The following MYL10 variants were observed in gnomAD, a reference collection of about 807,000 sequenced individuals.
The protein encoded by MYL10 is myosin light chain 10, also known as myosin regulatory light chain 10.
MYL10 carries 18 observed loss-of-function variants against 21.9 expected under a neutral mutation model. The observed-to-expected ratio is 0.82, with a 90% CI of 0.57 to 1.22. The LOEUF is 1.22. MYL10 is among the 50% of genes most tolerant of loss of function. MYL10 has a pLI of 0.00. For synonymous variants in MYL10, 88 were observed against 82.8 expected (o/e 1.06, Z -0.34); for missense variants, 225 against 230.4 (o/e 0.98, Z 0.15).
intron 5 of MYL10, among the ~76,000 whole-genome samples, chr7:101,618,334 C>A (rs1007889256): frequency 1.3e-5 from 2 of 152,170 alleles, no homozygotes; most frequent in African/African-American, 4.8e-5. Context: ...GTGACCAGAG[C>A]ATCACGTGGG....
chr7:101,617,866 G>C (rs1796626998), intron 5 of MYL10, among the ~76,000 whole-genome samples: 1 of 151,638 alleles, frequency 6.6e-6, no homozygotes, highest in South Asian at 2.1e-4. Context: ...AGGGCCTTCT[G>C]TGCCTCTTCC....
chr7:101,615,166 G>A (rs1433391151), intron 6 of MYL10, among the ~76,000 whole-genome samples: 1 of 152,144 alleles, frequency 6.6e-6, no homozygotes, highest in Non-Finnish European at 1.5e-5. Flanking sequence ...CAAGTGAGCT[G>A]GTCACTTTCC....
In MYL10 at chr7:101,613,438, T is replaced by C. The variant is rs559973144; in HGVS notation, c.*37A>G. 2.5e-6 allele frequency: 4 copies of C among 1,569,592 alleles called. No individual in the cohort carries two copies. In the African/African-American group the frequency reaches 4.0e-5, roughly 16 times the overall value. ...CTCCCTGTCACACCCCACAACAGTG[T>C]TTGCTGCCCCTGAATGTCGGGGAGA... On this transcript the variant is annotated 3_prime_UTR_variant, in exon 8 of 8. Transcript: ENST00000223167.
chr7:101,626,092 A>G (rs1380805261), intron 1 of MYL10, among the ~76,000 whole-genome samples: 3 of 152,210 alleles, frequency 2.0e-5, no homozygotes, highest in African/African-American at 7.2e-5. Context: ...AATTCCCCTG[A>G]AAGGAACATC....
chr7:101,617,531 C>T lies in MYL10; in HGVS notation c.455-1233G>A, dbSNP rs577335332. Among the ~76,000 whole-genome samples, 20 of 152,376 alleles carry T rather than the reference C, an allele frequency of 1.3e-4. No homozygotes were observed. The South Asian group carries it at 3.3e-3, about 25-fold the overall frequency. The stretch of plus-strand genomic sequence containing the variant: ...TCCTTTTGTCACCCTGTGCTCTTGC[C>T]AGTCAGATTAGGTCAGCCAGGGCCA... On this transcript the variant is annotated intron_variant, in intron 5 of 7. Transcript: ENST00000223167.
intron 6 of MYL10, 24 bp from the exon 7 acceptor site, chr7:101,613,734 A>G (rs759583695): frequency 6.2e-7 from 1 of 1,613,422 alleles, no homozygotes; most frequent in African/African-American, 1.3e-5. Context: ...AGACACAGTC[A>G]TGTTCAGGGA....
intron 1 of MYL10, among the ~76,000 whole-genome samples, chr7:101,626,029 T>C (rs566622339): frequency 6.6e-6 from 1 of 152,246 alleles, no homozygotes; most frequent in East Asian, 1.9e-4. Flanking sequence ...CTAGGGTCTT[T>C]GCAGCCCAGC....
intron 6 of MYL10, among the ~76,000 whole-genome samples, chr7:101,615,697 C>CTTT (rs900024757): frequency 2.2e-4 from 27 of 121,206 alleles, no homozygotes; most frequent in East Asian, 1.1e-3. Flanking sequence ...ACCACTTCTT[C>CTTT]TTTTTTTTTT....
chr7:101,623,196 C>G, intron 3 of MYL10, 124 bp from the exon 4 acceptor site: 1 of 749,034 alleles, frequency 1.3e-6, no homozygotes, highest in Admixed American at 2.3e-5. Context: ...GGCAGCCCAG[C>G]TGGGATGGGC....
chr7:101,627,778 A>G (rs1328311410), intron 1 of MYL10, among the ~76,000 whole-genome samples: 1 of 152,240 alleles, frequency 6.6e-6, no homozygotes, highest in Non-Finnish European at 1.5e-5. Flanking sequence ...AGGAAGGGGC[A>G]TTTGGCCAAG....
At chr7:101,616,777 G>T (rs1297691708) in intron 5 of MYL10, among the ~76,000 whole-genome samples, 1 of 152,200 alleles carries the variant, frequency 6.6e-6, no homozygotes, top group Non-Finnish European at 1.5e-5. Context: ...TCTGTACGTG[G>T]ATGCCAAAAG....
At chr7:101,624,127 C>A (rs1796715668) in intron 2 of MYL10, 45 bp downstream of exon 2, 5 of 1,218,984 alleles carry the variant, frequency 4.1e-6, no homozygotes, top group Non-Finnish European at 3.6e-6. Context: ...AACTGGCATG[C>A]ATTCCAAGAA....
Position 101,613,509 on chromosome 7 carries a change from C to A in MYL10, c.647G>T (p.Cys216Phe). Residue 216 changes from cysteine (C) to phenylalanine (F), a missense_variant, in exon 8 of 8, where the codon TGC becomes TTC. Cys to Phe is a radical substitution (Grantham distance 205). Transcript: ENST00000223167. ...CTCTTCACCGTGAGTGATGACGTAGCACAGGTTTCTGTAGTCCAGGTTGCC... is the reference window on the plus strand; with the variant it reads ...CTCTTCACCGTGAGTGATGACGTAGAACAGGTTTCTGTAGTCCAGGTTGCC... ...VCGNLDYRNL[C>F]YVITHGEEKD The A allele has an allele frequency of 6.2e-7, 1 of 1,614,048 alleles. No homozygotes were observed. Among genetic ancestry groups the A allele is most frequent in the Non-Finnish European group, 8.5e-7 (1 of 1,179,966 alleles).
Position 101,619,017 on chromosome 7 carries a change from G to A in MYL10, c.455-2719C>T, listed in dbSNP as rs140608344. Among the ~76,000 whole-genome samples, 15 of 152,306 alleles carry A rather than the reference G, an allele frequency of 9.8e-5. No individual in the cohort carries two copies. In the East Asian group the frequency reaches 2.7e-3, roughly 28 times the overall value. On this transcript the variant is annotated intron_variant, in intron 5 of 7. Transcript: ENST00000223167. ...TCTGGCAGCAGGGCCCCTCGCCCATGCCCAACACCAGGGGCGGGAGGTGCT... is the reference window on the plus strand; with the variant it reads ...TCTGGCAGCAGGGCCCCTCGCCCATACCCAACACCAGGGGCGGGAGGTGCT...
chr7:101,623,219 C>T, intron 3 of MYL10, 147 bp from the exon 4 acceptor site: 1 of 637,394 alleles, frequency 1.6e-6, no homozygotes, highest in Middle Eastern at 3.5e-4. Flanking sequence ...CATCCCCAAC[C>T]CCTCATTTCA....
chr7:101,628,092 C>T (rs1366274677), intron 1 of MYL10, among the ~76,000 whole-genome samples: 2 of 152,206 alleles, frequency 1.3e-5, no homozygotes, highest in Non-Finnish European at 2.9e-5. Context: ...CCATTAAGCA[C>T]CCCCAGGCCA....
At chr7:101,620,048 G>A (rs986320066) in intron 5 of MYL10, among the ~76,000 whole-genome samples, 7 of 151,942 alleles carry the variant, frequency 4.6e-5, no homozygotes, top group East Asian at 1.9e-4. Flanking sequence ...GAGTCCAGGC[G>A]CGAGGGCTCA....
chr7:101,621,163 C>G (rs906602250), intron 5 of MYL10, among the ~76,000 whole-genome samples: 1 of 152,056 alleles, frequency 6.6e-6, no homozygotes, highest in South Asian at 2.1e-4. Context: ...GAGGCCAGGA[C>G]AGAAAGGAGA....
intron 5 of MYL10, among the ~76,000 whole-genome samples, chr7:101,620,344 C>T (rs1796662827): frequency 6.6e-6 from 1 of 151,872 alleles, no homozygotes. Context: ...ACAAAATAAA[C>T]AAAGAGGCAG....
Sources: allele counts gnomAD v4.1 joint callset (sites outside exome capture counted in the v4.1 genomes callset), GRCh38; gene constraint gnomAD v4.1.1; transcripts MANE v1.5; gene names NCBI Gene and HGNC (gene_info 2026-07-23, HGNC 2026-07-21).